Variants in DGKG observed in about 807,000 individuals in gnomAD.
DGKG encodes diacylglycerol kinase gamma, also known as DAG kinase gamma.
In DGKG, 78 loss-of-function variants were observed where a neutral mutation model predicts 105.3. The observed-to-expected ratio is 0.74, with a 90% CI of 0.62 to 0.89. The LOEUF is 0.89. Ranked by LOEUF, DGKG falls within the 40% of genes least tolerant of loss-of-function variation. The pLI, the probability that DGKG is intolerant of heterozygous loss-of-function variation, is 0.00. For synonymous variants in DGKG, 346 were observed against 367.1 expected (o/e 0.94, Z 0.66); for missense variants, 958 against 1,020.1 (o/e 0.94, Z 0.83).
chr3:186,349,483 C>T (rs1466168753), intron 1 of DGKG, among the ~76,000 whole-genome samples: 1 of 152,232 alleles, frequency 6.6e-6, no homozygotes, highest in Non-Finnish European at 1.5e-5. Context: ...ATAGTTCCTG[C>T]TATATCCTCT....
rs199753031 is a variant in DGKG at position 186,161,604 on chromosome 3, G to T, written c.2276C>A (p.Thr759Lys). ...ATCTCAAAGATTGGCAAGACTCACCGTGCAACATGGCTGCATCCAGGGTTC... is the reference window on the plus strand; with the variant it reads ...ATCTCAAAGATTGGCAAGACTCACCTTGCAACATGGCTGCATCCAGGGTTC... ...DGEPWMQPCC[T>K]IKITHKNQAP... Residue 759 changes from threonine to lysine, a missense_variant and splice_region_variant, in exon 24 of 25, where the codon ACG (threonine) becomes AAG (lysine). By Grantham distance (78) the Thr-to-Lys change is moderately conservative. Coordinates refer to ENST00000265022, the MANE Select transcript of DGKG (RefSeq NM_001346.3). 2 of 1,614,166 alleles carry T rather than the reference G, an allele frequency of 1.2e-6. No individual in the cohort carries two copies. The highest frequency in any genetic ancestry group is 1.7e-6 in the Non-Finnish European group (2 of 1,180,020).
chr3:186,240,846 C>G (rs183934880), intron 20 of DGKG, among the ~76,000 whole-genome samples: 230 of 151,302 alleles, frequency 1.5e-3, no homozygotes, highest in Non-Finnish European at 2.8e-3. Context: ...AAAAGAGGAC[C>G]TTAAAAGCCT....
intron 21 of DGKG, among the ~76,000 whole-genome samples, chr3:186,196,137 C>CTTT (rs71164579): frequency 7.6e-6 from 1 of 131,090 alleles, no homozygotes; most frequent in African/African-American, 2.8e-5. Flanking sequence ...CTTTTTCTTT[C>CTTT]TTTTTTTTTT....
intron 5 of DGKG, among the ~76,000 whole-genome samples, chr3:186,297,203 G>C (rs1156353889): frequency 6.6e-6 from 1 of 151,914 alleles, no homozygotes; most frequent in African/African-American, 2.4e-5. Context: ...TCTGTTCTAG[G>C]GCAAGTGAAG....
chr3:186,321,671 C>T (rs1336681100), intron 1 of DGKG, among the ~76,000 whole-genome samples: 1 of 152,182 alleles, frequency 6.6e-6, no homozygotes, highest in Non-Finnish European at 1.5e-5. Context: ...AGCATATGAG[C>T]AGTGCTGGAT....
intron 1 of DGKG, among the ~76,000 whole-genome samples, chr3:186,324,650 T>A (rs968471467): frequency 6.6e-6 from 1 of 152,106 alleles, no homozygotes; most frequent in African/African-American, 2.4e-5. Flanking sequence ...ATCAGATACA[T>A]GTACATCAAA....
chr3:186,247,859 TAA>T (rs1721018095), intron 19 of DGKG, among the ~76,000 whole-genome samples: 2 of 152,226 alleles, frequency 1.3e-5, no homozygotes, highest in Admixed American at 1.3e-4. Flanking sequence ...TGGATTATTA[TAA>T]GTCAGCCCAA....
chr3:186,279,242 A>T (rs1420215148), intron 9 of DGKG: 1 of 152,234 alleles, frequency 6.6e-6, no homozygotes, highest in Non-Finnish European at 1.5e-5. Flanking sequence ...GTTTCTTCCC[A>T]CTGGCCTAAC....
intron 16 of DGKG, among the ~76,000 whole-genome samples, chr3:186,258,746 G>A (rs538785534): frequency 1.3e-5 from 2 of 152,194 alleles, no homozygotes; most frequent in South Asian, 2.1e-4. Flanking sequence ...TGACGTATTG[G>A]TGAAGCTCAT....
chr3:186,265,413 G>C, intron 13 of DGKG, 107 bp from the exon 14 acceptor site: 1 of 1,026,032 alleles, frequency 9.7e-7, no homozygotes, highest in Non-Finnish European at 1.5e-6. Context: ...AGATCAGAAA[G>C]CTAGTGTAGT....
intron 24 of DGKG, among the ~76,000 whole-genome samples, chr3:186,151,362 CTT>C (rs1333286780): frequency 2.6e-5 from 4 of 152,346 alleles, no homozygotes; most frequent in Non-Finnish European, 5.9e-5. Flanking sequence ...CAACAGAACT[CTT>C]GAACACAGAA....
intron 22 of DGKG, 138 bp from the exon 23 acceptor site, chr3:186,165,156 C>A: frequency 3.5e-6 from 3 of 853,068 alleles, no homozygotes; most frequent in Non-Finnish European, 5.2e-6. Context: ...CATATTCACT[C>A]TGAATAGGGT....
Position 186,260,538 on chromosome 3 carries a change from GGAGA to G in DGKG, c.1350-29_1350-26del, listed in dbSNP as rs753836088. 3.3e-5 allele frequency: 51 copies of G among 1,544,226 alleles called. No homozygotes were observed. The East Asian group carries it at 4.7e-4, about 14-fold the overall frequency. The stretch of plus-strand genomic sequence containing the variant: ...TCTATGGAAAAAAAAAGAAAAGGAG[GGAGA>G]GAGAGAGACAGAGAAGGAATATGTC... On this transcript the variant is annotated intron_variant, in intron 15 of 24. Transcript: ENST00000265022.
At chr3:186,321,497 C>T (rs1460122365) in intron 1 of DGKG, among the ~76,000 whole-genome samples, 1 of 152,194 alleles carries the variant, frequency 6.6e-6, no homozygotes, top group Non-Finnish European at 1.5e-5. Context: ...CTTTCTTATT[C>T]TCAGTTGAGG....
chr3:186,240,376 C>T (rs1720625276), intron 20 of DGKG, among the ~76,000 whole-genome samples: 2 of 152,220 alleles, frequency 1.3e-5, no homozygotes, highest in Admixed American at 6.5e-5. Context: ...CCCCTACATG[C>T]GTCTGTCCAA....
intron 20 of DGKG, among the ~76,000 whole-genome samples, chr3:186,230,651 G>T (rs1720108185): frequency 6.6e-6 from 1 of 152,286 alleles, no homozygotes; most frequent in South Asian, 2.1e-4. Context: ...GCAGCTCCAG[G>T]CAGGGTGGGC....
At chr3:186,172,581 A>G (rs557873730) in intron 22 of DGKG, among the ~76,000 whole-genome samples, 32 of 152,356 alleles carry the variant, frequency 2.1e-4, no homozygotes, top group Admixed American at 7.8e-4. Flanking sequence ...TTTGGGCTGG[A>G]ATCCTGTCAG....
chr3:186,357,767 G>C (rs73182216), intron 1 of DGKG, among the ~76,000 whole-genome samples: 1 of 152,178 alleles, frequency 6.6e-6, no homozygotes, highest in East Asian at 1.9e-4. Flanking sequence ...AGTGGAAAAC[G>C]AGACAGACAT....
At chr3:186,319,404 G>GTCCCCAGCTGA (rs1724973445) in intron 2 of DGKG, among the ~76,000 whole-genome samples, 1 of 152,200 alleles carries the variant, frequency 6.6e-6, no homozygotes, top group African/African-American at 2.4e-5. Flanking sequence ...TGGATTCCCT[G>GTCCCCAGCTGA]ACTCCTAGAC....
Sources: gnomAD v4.1 joint callset for allele counts (sites outside exome capture counted in the v4.1 genomes callset) on GRCh38, gnomAD v4.1.1 for gene constraint, MANE v1.5 for transcripts, NCBI Gene and HGNC (gene_info 2026-07-23, HGNC 2026-07-21) for gene names.